The following ZNF346 variants were observed in gnomAD, a reference collection of about 807,000 sequenced individuals.
ZNF346 encodes the protein double-stranded RNA-binding zinc finger protein JAZ.
ZNF346 carries 23 observed loss-of-function variants against 33.7 expected under a neutral mutation model. That is an observed-to-expected ratio of 0.68 (90% CI 0.49 to 0.97). The LOEUF (loss-of-function observed/expected upper bound fraction) is 0.97. Ranked by LOEUF, ZNF346 falls within the 50% of genes least tolerant of loss-of-function variation. ZNF346 has a pLI of 0.00. For missense variants in ZNF346, 340 were observed against 371.1 expected (o/e 0.92, Z 0.69); for synonymous variants, 134 against 142.4 (o/e 0.94, Z 0.42).
intron 1 of ZNF346, among the ~76,000 whole-genome samples, chr5:177,033,855 G>T (rs1252664830): frequency 6.6e-6 from 1 of 152,102 alleles, no homozygotes; most frequent in Non-Finnish European, 1.5e-5. Flanking sequence ...CTCAATTGTA[G>T]ATTCTAAGGT....
chr5:177,027,930 C>T (rs200949237), intron 1 of ZNF346, among the ~76,000 whole-genome samples: 9 of 150,466 alleles, frequency 6.0e-5, no homozygotes, highest in East Asian at 2.0e-4. Context: ...GGCAAGCATG[C>T]GCCATGGCAC....
At chr5:177,073,635 G>A (rs770402647) in intron 8 of ZNF346, among the ~76,000 whole-genome samples, 6 of 152,130 alleles carry the variant, frequency 3.9e-5, no homozygotes, top group African/African-American at 1.2e-4. Context: ...TGATCCTCTA[G>A]TGGTCATGAA....
intron 3 of ZNF346, chr5:177,042,190 CAA>C (rs760223105): frequency 1.1e-4 from 21 of 197,976 alleles, no homozygotes; most frequent in Non-Finnish European, 1.5e-4. Flanking sequence ...TAGAGCAAGA[CAA>C]GAGAAAATGG....
intron 1 of ZNF346, among the ~76,000 whole-genome samples, chr5:177,036,399 A>G (rs1055971549): frequency 6.6e-6 from 1 of 152,202 alleles, no homozygotes; most frequent in African/African-American, 2.4e-5. Flanking sequence ...CTAGGGATTC[A>G]ACAAGATCTT....
At chr5:177,055,457 A>G (rs1781543758) in intron 5 of ZNF346, among the ~76,000 whole-genome samples, 1 of 152,174 alleles carries the variant, frequency 6.6e-6, no homozygotes, top group Non-Finnish European at 1.5e-5. Flanking sequence ...ATCTTTGGTA[A>G]TAAAGGGGTA....
chr5:177,023,004 C>T, intron 1 of ZNF346, 91 bp downstream of exon 1: 3 of 1,445,178 alleles, frequency 2.1e-6, no homozygotes, highest in Non-Finnish European at 2.7e-6. Context: ...ACCCCCTGGC[C>T]CGCCTCCTTG....
downstream of ZNF346, among the ~76,000 whole-genome samples, chr5:177,071,504 G>A (rs189203869): frequency 2.4e-3 from 368 of 152,144 alleles, 2 homozygotes; most frequent in African/African-American, 8.4e-3. Flanking sequence ...GGCTAACACG[G>A]TGAAACCCCA....
intron 1 of ZNF346, among the ~76,000 whole-genome samples, chr5:177,040,249 A>G (rs956016397): frequency 1.3e-5 from 2 of 152,180 alleles, no homozygotes; most frequent in East Asian, 1.9e-4. Context: ...TTCTCTTCTC[A>G]AAAAGGTAAG....
downstream of ZNF346, among the ~76,000 whole-genome samples, chr5:177,071,304 G>A (rs569553088): frequency 8.8e-4 from 134 of 152,110 alleles, no homozygotes; most frequent in Non-Finnish European, 1.4e-3. Context: ...GGAGGCTGAG[G>A]CAGGAGGATC....
chr5:177,032,070 C>T (rs1777812334), intron 1 of ZNF346, among the ~76,000 whole-genome samples: 1 of 122,572 alleles, frequency 8.2e-6, no homozygotes, highest in South Asian at 2.8e-4. Flanking sequence ...ATGGCACAAT[C>T]TCAGCTCACT....
chr5:177,058,923 CAG>C (rs1275755851), intron 5 of ZNF346, among the ~76,000 whole-genome samples: 8 of 152,312 alleles, frequency 5.3e-5, no homozygotes, highest in South Asian at 2.1e-4. Flanking sequence ...TTTGTAGAGA[CAG>C]GGTTTCACCA....
intron 1 of ZNF346, among the ~76,000 whole-genome samples, chr5:177,023,665 G>A (rs537789255): frequency 6.6e-6 from 1 of 152,272 alleles, no homozygotes; most frequent in Admixed American, 6.5e-5. Flanking sequence ...GAAAAGAGCT[G>A]TCCTGACCTG....
intron 8 of ZNF346, among the ~76,000 whole-genome samples, chr5:177,073,932 T>TTAAG (rs1783627931): frequency 6.6e-6 from 1 of 152,050 alleles, no homozygotes; most frequent in African/African-American, 2.4e-5. Flanking sequence ...AGGTTAGGAC[T>TTAAG]TAAGTGCTCA....
intron 5 of ZNF346, among the ~76,000 whole-genome samples, chr5:177,061,513 C>T (rs1782548026): frequency 6.6e-6 from 1 of 152,222 alleles, no homozygotes; most frequent in Non-Finnish European, 1.5e-5. Context: ...GCAGAACCAG[C>T]AGTTCAGTTC....
At chr5:177,035,803 A>T (rs1296117726) in intron 1 of ZNF346, among the ~76,000 whole-genome samples, 1 of 151,870 alleles carries the variant, frequency 6.6e-6, no homozygotes, top group African/African-American at 2.4e-5. Context: ...CCCTGGGGCT[A>T]AACTTTTTTG....
At chr5:177,079,460 TCTTC>T (rs1783897755) in exon 9 of ZNF346, 1 of 152,110 alleles carries the variant, frequency 6.6e-6, no homozygotes, top group African/African-American at 2.4e-5. Flanking sequence ...CTCTGGAACT[TCTTC>T]CTTCCTCCTG....
intron 2 of ZNF346, 118 bp downstream of exon 2, chr5:177,041,347 A>G (rs990625562): frequency 2.8e-5 from 22 of 785,524 alleles, no homozygotes; most frequent in Non-Finnish European, 4.3e-5. Flanking sequence ...TGTTGCCTCC[A>G]TGCATGTTGG....
At chr5:177,032,800 A>G (rs1269419956) in intron 1 of ZNF346, among the ~76,000 whole-genome samples, 1 of 152,186 alleles carries the variant, frequency 6.6e-6, no homozygotes, top group Non-Finnish European at 1.5e-5. Context: ...CCACACCTGT[A>G]GTCCCAGCTG....
intron 1 of ZNF346, among the ~76,000 whole-genome samples, chr5:177,035,165 T>C (rs1778299707): frequency 6.6e-6 from 1 of 152,076 alleles, no homozygotes; most frequent in African/African-American, 2.4e-5. Flanking sequence ...TATAGGCACA[T>C]AGCACCATGC....
Sources: allele counts gnomAD v4.1 joint callset (sites outside exome capture counted in the v4.1 genomes callset), GRCh38; gene constraint gnomAD v4.1.1; transcripts MANE v1.5; gene names NCBI Gene and HGNC (gene_info 2026-07-23, HGNC 2026-07-21).